FLI1: variants seen among roughly 807,000 people sequenced by gnomAD.
FLI1 encodes the protein Fli-1 proto-oncogene, ETS transcription factor.
A neutral mutation model predicts 53.1 loss-of-function variants in FLI1; 13 were observed. The ratio of observed to expected loss-of-function variants is 0.24; its 90% CI spans 0.16 to 0.39. The LOEUF (loss-of-function observed/expected upper bound fraction) is 0.39, where lower values mean the gene tolerates loss of function less well. FLI1 is among the 10% of genes least tolerant of loss of function. The pLI, the probability that FLI1 is intolerant of heterozygous loss-of-function variation, is 1.00. For missense variants in FLI1, 424 were observed against 600.5 expected (o/e 0.71, Z 3.07); for synonymous variants, 244 against 236.7 (o/e 1.03, Z -0.28).
At chr11:128,688,737 G>A (rs185844995) in intron 1 of FLI1, among the ~76,000 whole-genome samples, 168 of 152,300 alleles carry the variant, frequency 1.1e-3, no homozygotes, top group South Asian at 2.3e-3. Flanking sequence ...AAGGGGCAGG[G>A]AAGAACAAGG....
At chr11:128,800,994 G>A (rs1591385651) in intron 5 of FLI1, among the ~76,000 whole-genome samples, 2 of 152,220 alleles carry the variant, frequency 1.3e-5, no homozygotes, top group Admixed American at 1.3e-4. Context: ...GTCAGAACCA[G>A]GGTGTGATTG....
chr11:128,722,505 G>C (rs1356675502), intron 1 of FLI1, among the ~76,000 whole-genome samples: 6 of 152,230 alleles, frequency 3.9e-5, no homozygotes, highest in Non-Finnish European at 7.3e-5. Context: ...TGCAGGATTT[G>C]CTTGCTCAGA....
Position 128,809,267 on chromosome 11 carries a change from AGAGACTTCTGTCCTAAGTC to A in FLI1, c.829+64_829+82del, listed in dbSNP as rs1378908819. The A allele has an allele frequency of 1.3e-5, 18 of 1,418,490 alleles. No individual in the cohort carries two copies. The African/African-American group carries it at 1.7e-4, about 13-fold the overall frequency. 87.9% of individuals were successfully genotyped at this position (1,418,490 alleles called of 1,614,324 possible). The stretch of plus-strand genomic sequence containing the variant: ...ATGTTTCGTAGCTTTGTGAAATCAC[AGAGACTTCTGTCCTAAGTC>A]CAGACACCTGAGTGGGGAGTAACAT... On this transcript the variant is annotated intron_variant, in intron 8 of 8. Coordinates refer to ENST00000527786, the MANE Select transcript of FLI1 (RefSeq NM_002017.5).
intron 1 of FLI1, among the ~76,000 whole-genome samples, chr11:128,756,618 G>A (rs1940870334): frequency 6.6e-6 from 1 of 152,162 alleles, no homozygotes; most frequent in African/African-American, 2.4e-5. Context: ...CTCACTATGT[G>A]CCAGAGACTT....
chr11:128,711,389 T>C (rs896664113), intron 1 of FLI1, among the ~76,000 whole-genome samples: 2 of 152,314 alleles, frequency 1.3e-5, no homozygotes, highest in East Asian at 1.9e-4. Context: ...CAAAGCAAAA[T>C]GAAAAGTGAA....
At chr11:128,763,677 C>G (rs1011331150) in intron 2 of FLI1, among the ~76,000 whole-genome samples, 1 of 152,182 alleles carries the variant, frequency 6.6e-6, no homozygotes, top group African/African-American at 2.4e-5. Context: ...TTGTGCCTCT[C>G]TGGCTGCGAG....
chr11:128,720,693 G>A (rs996546264), intron 1 of FLI1, among the ~76,000 whole-genome samples: 2 of 152,158 alleles, frequency 1.3e-5, no homozygotes, highest in African/African-American at 4.8e-5. Context: ...ACACATACGT[G>A]GAAAGCAGCC....
At chr11:128,798,294 CT>C (rs1942504685) in intron 5 of FLI1, among the ~76,000 whole-genome samples, 1 of 152,108 alleles carries the variant, frequency 6.6e-6, no homozygotes, top group Non-Finnish European at 1.5e-5. Flanking sequence ...AAAAATCCCA[CT>C]TTGAGGCCTT....
At chr11:128,703,118 A>G in intron 1 of FLI1, among the ~76,000 whole-genome samples, 1 of 152,226 alleles carries the variant, frequency 6.6e-6, no homozygotes, top group East Asian at 1.9e-4. Flanking sequence ...AAGACATTCA[A>G]ATAAAAATAA....
At chr11:128,795,478 A>G (rs983911689) in intron 5 of FLI1, among the ~76,000 whole-genome samples, 1 of 152,204 alleles carries the variant, frequency 6.6e-6, no homozygotes, top group African/African-American at 2.4e-5. Flanking sequence ...AAGAAAAATT[A>G]ACTTCTTATG....
At chr11:128,800,976 G>A (rs991961955) in intron 5 of FLI1, among the ~76,000 whole-genome samples, 1 of 152,180 alleles carries the variant, frequency 6.6e-6, no homozygotes, top group South Asian at 2.1e-4. Context: ...ACAGTGAAAA[G>A]TTAGTTTGTC....
In FLI1 at chr11:128,781,984, T is replaced by A. The variant is rs1309467335; in HGVS notation, c.616T>A (p.Ser206Thr). 1.9e-6 allele frequency: 3 copies of A among 1,613,816 alleles called. No individual in the cohort carries two copies. The change falls in exon 5 of 9, where the codon TCC becomes ACC. Residue 206 changes from serine to threonine, a missense_variant. Around this residue, in one of 5 missense-constraint regions of FLI1, gnomAD observed 114 missense variants for 117.9 expected, o/e 0.97. Transcript: ENST00000527786. ...TTCACTGCTGGCCTATAATACAACCTCCCACACCGACCAATCCTCACGATT... is the reference window on the plus strand; with the variant it reads ...TTCACTGCTGGCCTATAATACAACCACCCACACCGACCAATCCTCACGATT... ...ESSLLAYNTTSHTDQSSRLSV... is the reference protein window; with the variant it reads ...ESSLLAYNTTTHTDQSSRLSV...
intron 1 of FLI1, among the ~76,000 whole-genome samples, chr11:128,743,145 T>C (rs1446439407): frequency 6.6e-6 from 1 of 152,088 alleles, no homozygotes; most frequent in Non-Finnish European, 1.5e-5. Flanking sequence ...CCTATCACTT[T>C]GGGAGGCCAA....
At chr11:128,782,310 A>T (rs1591809069) in intron 5 of FLI1, among the ~76,000 whole-genome samples, 1 of 152,350 alleles carries the variant, frequency 6.6e-6, no homozygotes, top group Non-Finnish European at 1.5e-5. Context: ...CTTACTTTCA[A>T]AGTTGAAAGT....
chr11:128,735,466 G>A (rs1404171379), intron 1 of FLI1, among the ~76,000 whole-genome samples: 1 of 152,188 alleles, frequency 6.6e-6, no homozygotes, highest in Admixed American at 6.5e-5. Flanking sequence ...ATACATCTAA[G>A]AAAATAGCAT....
intron 1 of FLI1, among the ~76,000 whole-genome samples, chr11:128,757,099 TC>T (rs1471028585): frequency 3.7e-5 from 5 of 135,768 alleles, no homozygotes; most frequent in African/African-American, 1.4e-4. Context: ...TTTCTTTCTT[TC>T]TTTCTTTCTT....
At chr11:128,782,155 C>A (rs371807327) in intron 5 of FLI1, 132 bp downstream of exon 5, 1 of 746,612 alleles carries the variant, frequency 1.3e-6, no homozygotes, top group Non-Finnish European at 2.1e-6. Flanking sequence ...AAAGACAAGC[C>A]AAAATTTTCG....
intron 5 of FLI1, among the ~76,000 whole-genome samples, chr11:128,802,690 A>G (rs1209799195): frequency 6.6e-6 from 1 of 152,220 alleles, no homozygotes; most frequent in Admixed American, 6.5e-5. Context: ...ACATTGACCC[A>G]TAAAACTCTG....
At chr11:128,760,779 G>A (rs1013054971) in intron 2 of FLI1, among the ~76,000 whole-genome samples, 4 of 152,026 alleles carry the variant, frequency 2.6e-5, no homozygotes, top group African/African-American at 4.8e-5. Context: ...GCCTGCCTCG[G>A]CCTCCCAAAG....
Sources: allele counts gnomAD v4.1 joint callset (sites outside exome capture counted in the v4.1 genomes callset), GRCh38; gene constraint gnomAD v4.1.1; regional missense constraint gnomAD v4.1.1; transcripts MANE v1.5; gene names NCBI Gene and HGNC (gene_info 2026-07-23, HGNC 2026-07-21).